Variants in PCSK2 observed in about 807,000 individuals in gnomAD.
PCSK2 encodes the protein proprotein convertase subtilisin/kexin type 2.
A neutral mutation model predicts 69.7 loss-of-function variants in PCSK2; 14 were observed. The observed-to-expected ratio is 0.20, with a 90% CI of 0.13 to 0.31. The LOEUF (loss-of-function observed/expected upper bound fraction) is 0.31. Ranked by LOEUF, PCSK2 falls within the 10% of genes least tolerant of loss-of-function variation. The probability of loss-of-function intolerance (pLI) is 1.00; values close to 1 mark genes in which losing one functional copy is unlikely to be tolerated. For synonymous variants in PCSK2, 307 were observed against 320.7 expected, an observed-to-expected ratio of 0.96 and a Z score of 0.46; for missense variants, 544 against 842.5, an observed-to-expected ratio of 0.65 and a Z score of 4.39.
rs866290412 is a variant in PCSK2 at position 17,347,808 on chromosome 20, G to T, written c.283-10519G>T. On this transcript the variant is annotated intron_variant, in intron 2 of 11. Coordinates refer to ENST00000262545, the MANE Select transcript of PCSK2 (RefSeq NM_002594.5). ...TAGACGAAAGAAAGAAAGAAAGAAA[G>T]AAAGAAAGAAAGAAAGAAAGAAAGA... 5.8e-3 allele frequency among the ~76,000 whole-genome samples: 656 copies of T among 113,298 alleles called. 13 individuals are homozygous for T. Among genetic ancestry groups the T allele is most frequent in the African/African-American group, 9.5e-3 (270 of 28,318 alleles). The allele number at this position is 113,298 out of a possible 152,430, so 74.3% of individuals were successfully genotyped here.
chr20:17,440,538 A>G (rs2032573901), intron 8 of PCSK2, among the ~76,000 whole-genome samples: 1 of 152,220 alleles, frequency 6.6e-6, no homozygotes, highest in Non-Finnish European at 1.5e-5. Context: ...AGGCCTAGGT[A>G]GCCCAAATAA....
chr20:17,476,917 G>A (rs1295248472), intron 11 of PCSK2, among the ~76,000 whole-genome samples: 1 of 152,184 alleles, frequency 6.6e-6, no homozygotes, highest in Non-Finnish European at 1.5e-5. Flanking sequence ...CCCAGATCCT[G>A]GGAACAGAAA....
intron 5 of PCSK2, among the ~76,000 whole-genome samples, chr20:17,392,700 G>A (rs547727206): frequency 8.5e-5 from 13 of 152,122 alleles, no homozygotes; most frequent in Non-Finnish European, 1.9e-4. Context: ...CAGCCTTTGA[G>A]TCTGGCTTTT....
intron 2 of PCSK2, among the ~76,000 whole-genome samples, chr20:17,321,023 C>T (rs961870584): frequency 6.6e-6 from 1 of 152,182 alleles, no homozygotes; most frequent in East Asian, 1.9e-4. Context: ...TCTGCCTTTT[C>T]CCCCTTCTGT....
chr20:17,423,768 AAAAT>A (rs1435864755), intron 6 of PCSK2, among the ~76,000 whole-genome samples: 3 of 152,224 alleles, frequency 2.0e-5, no homozygotes, highest in Admixed American at 1.3e-4. Flanking sequence ...AAATCAATGA[AAAAT>A]AAATAAATAC....
chr20:17,287,248 C>A (rs1330864814), intron 2 of PCSK2, among the ~76,000 whole-genome samples: 3 of 152,148 alleles, frequency 2.0e-5, no homozygotes, highest in African/African-American at 7.2e-5. Context: ...ATAAAATTAG[C>A]CACACATCCA....
chr20:17,228,841 G>A (rs1427809983), intron 1 of PCSK2, among the ~76,000 whole-genome samples: 1 of 152,200 alleles, frequency 6.6e-6, no homozygotes, highest in African/African-American at 2.4e-5. Flanking sequence ...TCTGGGAAGA[G>A]GCTCTGGGTC....
chr20:17,393,475 A>G (rs928755657), intron 5 of PCSK2, among the ~76,000 whole-genome samples: 1 of 152,228 alleles, frequency 6.6e-6, no homozygotes, highest in African/African-American at 2.4e-5. Context: ...AAAAAGTTAG[A>G]ATTATCATAA....
At chr20:17,391,927 A>AGGAAGGAAGGAAGGAAGGAAGGAAGGAG in intron 5 of PCSK2, among the ~76,000 whole-genome samples, 1 of 146,120 alleles carries the variant, frequency 6.8e-6, no homozygotes, top group Non-Finnish European at 1.5e-5. Flanking sequence ...GAAGGAAGGA[A>AGGAAGGAAGGAAGGAAGGAAGGAAGGAG]GGAAGGAAGG....
intron 3 of PCSK2, 38 bp from the exon 4 acceptor site, chr20:17,360,494 A>G (rs1405540351): frequency 1.5e-6 from 2 of 1,314,898 alleles, no homozygotes; most frequent in Non-Finnish European, 2.2e-6. Context: ...TACAACACCA[A>G]ACTAATACCA....
At chr20:17,369,305 A>G in intron 5 of PCSK2, 28 bp downstream of exon 5, 1 of 1,598,508 alleles carries the variant, frequency 6.3e-7, no homozygotes, top group South Asian at 1.1e-5. Flanking sequence ...TTGGTGGGGA[A>G]ACAGATGCAT....
chr20:17,438,353 ATG>A (rs2032528474), intron 8 of PCSK2, among the ~76,000 whole-genome samples: 1 of 152,284 alleles, frequency 6.6e-6, no homozygotes, highest in African/African-American at 2.4e-5. Flanking sequence ...ACAGAACGCT[ATG>A]TTTAACGCAG....
In PCSK2 at chr20:17,275,491, TAGAA is replaced by T. The variant is rs1011159944; in HGVS notation, c.282+15154_282+15157del. The stretch of plus-strand genomic sequence containing the variant: ...GGGTTACTCTGGCAATCAAATATGA[TAGAA>T]AGAAAGGTTCGAAAACTGTGGACTT... On this transcript the variant is annotated intron_variant, in intron 2 of 11. Coordinates refer to ENST00000262545, the MANE Select transcript of PCSK2 (RefSeq NM_002594.5). 5.9e-4 allele frequency among the ~76,000 whole-genome samples: 90 copies of T among 152,118 alleles called. 1 individual carries two copies. The highest frequency in any genetic ancestry group is 5.3e-4 in the Non-Finnish European group (36 of 67,996).
chr20:17,236,315 C>G (rs1986336708), intron 1 of PCSK2, among the ~76,000 whole-genome samples: 1 of 151,960 alleles, frequency 6.6e-6, no homozygotes, highest in South Asian at 2.1e-4. Flanking sequence ...ATATACCTCC[C>G]TAAAATTCAT....
At chr20:17,382,141 C>T (rs184760291) in intron 5 of PCSK2, among the ~76,000 whole-genome samples, 2 of 152,172 alleles carry the variant, frequency 1.3e-5, no homozygotes, top group Admixed American at 1.3e-4. Flanking sequence ...AGTTGGCTAA[C>T]GAAGTATGAG....
chr20:17,321,966 C>A (rs1433764229), intron 2 of PCSK2, among the ~76,000 whole-genome samples: 2 of 152,026 alleles, frequency 1.3e-5, no homozygotes, highest in African/African-American at 4.8e-5. Flanking sequence ...TTGTGATGTA[C>A]CTCTCTGCTA....
chr20:17,337,770 G>GT (rs1330402866), intron 2 of PCSK2, among the ~76,000 whole-genome samples: 4 of 151,112 alleles, frequency 2.6e-5, no homozygotes, highest in East Asian at 2.0e-4. Flanking sequence ...TAAAAAAAAT[G>GT]TTTTTTTAAT....
At chr20:17,355,640 TG>T (rs2030168789) in intron 2 of PCSK2, among the ~76,000 whole-genome samples, 1 of 107,518 alleles carries the variant, frequency 9.3e-6, no homozygotes, top group Non-Finnish European at 1.9e-5. Context: ...TATGCACATG[TG>T]TGCACGCAAA....
intron 4 of PCSK2, among the ~76,000 whole-genome samples, chr20:17,367,245 T>A (rs74181951): frequency 0.091 from 13,930 of 152,266 alleles, 735 homozygotes; most frequent in Non-Finnish European, 0.12. Flanking sequence ...GTGGATATTT[T>A]TTAATGTTTC....
Sources: allele counts gnomAD v4.1 joint callset (sites outside exome capture counted in the v4.1 genomes callset), GRCh38; gene constraint gnomAD v4.1.1; transcripts MANE v1.5; gene names NCBI Gene and HGNC (gene_info 2026-07-23, HGNC 2026-07-21).